LARS1: variants seen among roughly 807,000 people sequenced by gnomAD.
LARS1 encodes the protein leucine--tRNA ligase, cytoplasmic.
LARS1 carries 100 observed loss-of-function variants against 162.8 expected under a neutral mutation model. The observed-to-expected ratio is 0.61, with a 90% confidence interval of 0.52 to 0.73. The LOEUF (loss-of-function observed/expected upper bound fraction) is 0.73. Among genes scored for constraint, LARS1 ranks in the 30% least tolerant of loss-of-function variants. LARS1 has a pLI of 0.00. For synonymous variants in LARS1, 457 were observed against 462.8 expected (o/e 0.99, Z 0.16); for missense variants, 1,258 against 1,408.9 (o/e 0.89, Z 1.71).
At chr5:146,162,849 C>G (rs1753833606) in intron 6 of LARS1, among the ~76,000 whole-genome samples, 1 of 152,234 alleles carries the variant, frequency 6.6e-6, no homozygotes, top group African/African-American at 2.4e-5. Flanking sequence ...GAGTCTCGCT[C>G]TTGTTGCCCA....
rs760968418 is a variant in LARS1 at position 146,132,971 on chromosome 5, T to C, written c.2323A>G (p.Lys775Glu). Residue 775 changes from lysine to glutamate, a missense_variant, in exon 23 of 32, where the codon AAA becomes GAA. Lys to Glu is a moderately conservative substitution (Grantham distance 56, BLOSUM62 1). Coordinates refer to ENST00000394434, the MANE Select transcript of LARS1 (RefSeq NM_020117.11). The part of the protein sequence containing the change: ...LRLYTWVEWV[K>E]EMVANWDSLR... Reference sequence around the variant, plus strand: ...CTGTCCCAGTTGGCAACCATTTCTTTCACCCACTCTACCCAGGTGTACAGA... The same window carrying C: ...CTGTCCCAGTTGGCAACCATTTCTTCCACCCACTCTACCCAGGTGTACAGA... 4.4e-5 allele frequency: 71 copies of C among 1,614,038 alleles called. No homozygotes were observed. Among genetic ancestry groups the C allele is most frequent in the Non-Finnish European group, 5.8e-5 (69 of 1,180,006 alleles).
intron 10 of LARS1, 59 bp downstream of exon 10, chr5:146,157,344 T>C: frequency 2.1e-6 from 3 of 1,398,250 alleles, no homozygotes; most frequent in Admixed American, 1.7e-5. Context: ...TCAATATTCA[T>C]TGTTGAAATT....
At chr5:146,142,688 T>C in intron 20 of LARS1, 184 bp downstream of exon 20, 3 of 545,612 alleles carry the variant, frequency 5.5e-6, no homozygotes, top group Non-Finnish European at 9.7e-6. Context: ...GGTAGGTATG[T>C]GGATTTCTGG....
intron 2 of LARS1, 43 bp from the exon 3 acceptor site, chr5:146,172,817 T>C: frequency 2.8e-6 from 3 of 1,080,802 alleles, no homozygotes; most frequent in Non-Finnish European, 3.9e-6. Context: ...GAAGAATAAA[T>C]GTTAAGTTCC....
At chr5:146,182,457 G>A (rs373682886) in intron 1 of LARS1, 31 bp downstream of exon 1, 6 of 1,613,628 alleles carry the variant, frequency 3.7e-6, no homozygotes, top group African/African-American at 1.3e-5. Context: ...CGGCTCCAGG[G>A]CCCCTGCGGA....
chr5:146,129,176 T>G, intron 25 of LARS1, 58 bp from the exon 26 acceptor site: 1 of 1,426,798 alleles, frequency 7.0e-7, no homozygotes, highest in Non-Finnish European at 9.5e-7. Flanking sequence ...ATAACTATTT[T>G]ACGGTTCTTG....
intron 28 of LARS1, among the ~76,000 whole-genome samples, chr5:146,125,023 A>C: frequency 6.6e-6 from 1 of 151,920 alleles, no homozygotes; most frequent in East Asian, 1.9e-4. Flanking sequence ...ACACGCACAC[A>C]CACACTCTAT....
intron 10 of LARS1, among the ~76,000 whole-genome samples, chr5:146,154,917 G>A (rs1469502102): frequency 2.6e-5 from 4 of 151,878 alleles, no homozygotes; most frequent in Non-Finnish European, 5.9e-5. Context: ...GCAATGGCAT[G>A]ATCTCGGCTC....
At position 146,126,512 on chromosome 5, in the gene LARS1, T is replaced by C. The variant is rs113155943; in HGVS notation, c.2914A>G (p.Ile972Val). 32 of 1,612,168 alleles carry C rather than the reference T, an allele frequency of 2.0e-5. No individual in the cohort carries two copies. Among genetic ancestry groups the C allele is most frequent in the African/African-American group, 1.7e-4 (13 of 74,836 alleles). Reference protein sequence around the residue: ...NNGKLPDNKVIASELGSMPEL... With the variant: ...NNGKLPDNKVVASELGSMPEL... ...GGCATACTGCCTAGTTCACTAGCAA[T>C]GACTTTGTTGTCAGGCAGTTTTCCG... The change falls in exon 28 of 32, where the codon ATT becomes GTT. Residue 972 changes from isoleucine (I) to valine (V), a missense_variant. Coordinates refer to ENST00000394434, the MANE Select transcript of LARS1 (RefSeq NM_020117.11).
At chr5:146,181,975 C>T (rs1179178917) in intron 1 of LARS1, among the ~76,000 whole-genome samples, 1 of 148,628 alleles carries the variant, frequency 6.7e-6, no homozygotes, top group South Asian at 2.2e-4. Context: ...GAGTCTCACT[C>T]TGTCGCCCAG....
intron 21 of LARS1, chr5:146,138,991 T>C: frequency 2.7e-6 from 1 of 376,344 alleles, no homozygotes; most frequent in Admixed American, 3.1e-5. Flanking sequence ...AGTGATGCTG[T>C]ACCCCTCAAG....
chr5:146,145,289 T>C (rs1277558796), intron 15 of LARS1, among the ~76,000 whole-genome samples: 1 of 152,060 alleles, frequency 6.6e-6, no homozygotes, highest in Non-Finnish European at 1.5e-5. Context: ...CTCACTATGT[T>C]GCCCAGGCTG....
At chr5:146,130,952 A>G in intron 24 of LARS1, 67 bp downstream of exon 24, 1 of 884,464 alleles carries the variant, frequency 1.1e-6, no homozygotes, top group Non-Finnish European at 1.7e-6. Context: ...CAGGAAGAAA[A>G]AAGGGGGAAA....
intron 18 of LARS1, 86 bp from the exon 19 acceptor site, chr5:146,143,636 T>C: frequency 1.7e-6 from 2 of 1,178,652 alleles, no homozygotes; most frequent in East Asian, 2.4e-5. Context: ...CTATAACATT[T>C]ACAAAGCTAC....
At position 146,158,218 on chromosome 5, in the gene LARS1, C is replaced by T. The variant is rs373639915; in HGVS notation, c.772-423G>A. Among the ~76,000 whole-genome samples, 50 of 152,226 alleles carry T rather than the reference C, an allele frequency of 3.3e-4. 1 individual carries two copies. The South Asian group carries it at 9.8e-3, about 30-fold the overall frequency. On this transcript the variant is annotated intron_variant, in intron 8 of 31. Coordinates refer to ENST00000394434, the MANE Select transcript of LARS1 (RefSeq NM_020117.11). ...CCTTATTGGTAAAATAAGGATGTTGCGTCTCAGATAGGACTGTCCTGAGGA... is the reference window on the plus strand; with the variant it reads ...CCTTATTGGTAAAATAAGGATGTTGTGTCTCAGATAGGACTGTCCTGAGGA...
intron 31 of LARS1, among the ~76,000 whole-genome samples, chr5:146,118,887 A>G (rs924819277): frequency 6.6e-5 from 10 of 152,230 alleles, no homozygotes; most frequent in Non-Finnish European, 1.5e-4. Flanking sequence ...TTTTACCACA[A>G]TTAAAAAATA....
chr5:146,176,012 C>A (rs1189705782), intron 2 of LARS1, among the ~76,000 whole-genome samples: 2 of 151,942 alleles, frequency 1.3e-5, no homozygotes, highest in Admixed American at 1.3e-4. Flanking sequence ...ATTAGCCAGG[C>A]ATGGTGGCGC....
At position 146,164,875 on chromosome 5, in the gene LARS1, G is replaced by A. The variant is rs543595656; in HGVS notation, c.433-404C>T. 2.6e-5 allele frequency among the ~76,000 whole-genome samples: 4 copies of A among 152,272 alleles called. No individual in the cohort carries two copies. The East Asian group carries it at 7.7e-4, about 29-fold the overall frequency. On this transcript the variant is annotated intron_variant, in intron 5 of 31. Transcript: ENST00000394434. ...TTCCAAAAATTATGAATATCCAAGA[G>A]ACAACCAAATGCCAGAAGTTGAAGG...
chr5:146,179,719 C>A, intron 1 of LARS1: 1 of 427,186 alleles, frequency 2.3e-6, no homozygotes, highest in Non-Finnish European at 4.7e-6. Context: ...CCCATCTCAG[C>A]CTCCTGAATA....
Sources: gnomAD v4.1 joint callset for allele counts (sites outside exome capture counted in the v4.1 genomes callset) on GRCh38, gnomAD v4.1.1 for gene constraint, MANE v1.5 for transcripts, NCBI Gene and HGNC (gene_info 2026-07-23, HGNC 2026-07-21) for gene names.